The following TRIM61 variants were observed in gnomAD, a reference collection of about 807,000 sequenced individuals.
The protein encoded by TRIM61 is tripartite motif containing 61.
A neutral mutation model predicts 14.2 loss-of-function variants in TRIM61; 1 was observed. The ratio of observed to expected loss-of-function variants is 0.07; its 90% CI spans 0.03 to 0.33. The LOEUF is 0.33. Among genes scored for constraint, TRIM61 ranks in the 10% least tolerant of loss-of-function variants. The pLI is 0.99. For synonymous variants in TRIM61, 8 were observed against 71.6 expected (o/e 0.11, Z 4.49); for missense variants, 19 against 202.2 (o/e 0.09, Z 5.49).
intron 2 of TRIM61, among the ~76,000 whole-genome samples, chr4:164,976,153 C>G (rs549674629): frequency 6.6e-6 from 1 of 152,242 alleles, no homozygotes; most frequent in East Asian, 1.9e-4. Flanking sequence ...TTATTATAAC[C>G]CTGCTCTCCT....
At chr4:164,974,562 A>G (rs1286635862) in intron 2 of TRIM61, among the ~76,000 whole-genome samples, 1 of 152,048 alleles carries the variant, frequency 6.6e-6, no homozygotes, top group Non-Finnish European at 1.5e-5. Flanking sequence ...CTTGTGAAAA[A>G]TTCTAACACA....
intron 3 of TRIM61, chr4:164,957,047 G>C (rs892756639): frequency 6.6e-6 from 10 of 1,507,820 alleles, no homozygotes; most frequent in Non-Finnish European, 7.1e-6. Context: ...GGTGCGGCGG[G>C]GCAGCTGTCC....
At chr4:164,976,364 G>A (rs1732484244) in intron 2 of TRIM61, among the ~76,000 whole-genome samples, 1 of 152,122 alleles carries the variant, frequency 6.6e-6, no homozygotes, top group African/African-American at 2.4e-5. Flanking sequence ...CAGGTGTGGA[G>A]GGGCAGGCCA....
intron 2 of TRIM61, among the ~76,000 whole-genome samples, chr4:164,971,759 G>C (rs751789035): frequency 2.0e-5 from 3 of 152,014 alleles, no homozygotes; most frequent in Admixed American, 6.6e-5. Context: ...TTGCTTTCAA[G>C]ACACCCACAG....
At chr4:164,955,528 C>T (rs73002506) in intron 3 of TRIM61, among the ~76,000 whole-genome samples, 8,436 of 140,990 alleles carry the variant, frequency 0.06, 749 homozygotes, top group African/African-American at 0.2. Context: ...ACGAACTTGC[C>T]ACTGCAGTCC....
intron 3 of TRIM61, chr4:164,955,222 T>C (rs11930392): frequency 0.024 from 3,656 of 154,240 alleles, 124 homozygotes; most frequent in African/African-American, 0.077. Context: ...GTATGTTGTA[T>C]GACAATCACA....
intron 3 of TRIM61, among the ~76,000 whole-genome samples, chr4:164,966,793 A>C (rs1486664145): frequency 2.0e-5 from 3 of 152,050 alleles, no homozygotes; most frequent in Non-Finnish European, 4.4e-5. Context: ...GGCACCTGTA[A>C]TCCCAGCTAC....
At chr4:164,975,492 T>C (rs983147368) in intron 2 of TRIM61, among the ~76,000 whole-genome samples, 3 of 152,158 alleles carry the variant, frequency 2.0e-5, no homozygotes, top group Admixed American at 6.5e-5. Context: ...TGTTGTTAAT[T>C]TGTAGCTTTG....
chr4:164,973,861 A>G lies in TRIM61; in HGVS notation c.-338+2827T>C, dbSNP rs114234764. Among the ~76,000 whole-genome samples, 625 of 152,304 alleles carry G rather than the reference A, an allele frequency of 4.1e-3. 5 individuals are homozygous for G. The highest frequency in any genetic ancestry group is 0.012 in the African/African-American group (514 of 41,560). ...ATACATACATATATAGAGATAACCT[A>G]TATTTACTTACATATAAAACACATT... On this transcript the variant is annotated intron_variant, in intron 2 of 4. Coordinates refer to ENST00000329314, the MANE Select transcript of TRIM61 (RefSeq NM_001012414.3).
chr4:164,961,683 C>T (rs887210202), intron 3 of TRIM61, among the ~76,000 whole-genome samples: 1 of 151,514 alleles, frequency 6.6e-6, no homozygotes, highest in Non-Finnish European at 1.5e-5. Context: ...AAAACACACA[C>T]CAAAAAAACC....
chr4:164,969,974 A>T lies in TRIM61; in HGVS notation c.29T>A (p.Leu10His), dbSNP rs1732327214. 1 of 1,613,688 alleles carries T rather than the reference A, an allele frequency of 6.2e-7. No individual in the cohort carries two copies. ...GATGGGACAGCTAGCCTCTGCTCGG[A>T]GGTCAGCCAGGGCCGTAACAAATTC... Residue 10 changes from leucine (L) to histidine (H), a missense_variant, in exon 3 of 5, where the codon CTC becomes CAC. This residue lies in a region of TRIM61 where 17 missense variants were observed against 105.5 expected (regional missense o/e 0.16). Transcript: ENST00000329314.
intron 3 of TRIM61, chr4:164,958,024 C>G (rs981350794): frequency 6.0e-6 from 1 of 167,782 alleles, no homozygotes; most frequent in African/African-American, 2.4e-5. Flanking sequence ...AATCTTGTAT[C>G]TCTAAAGATA....
intron 3 of TRIM61, among the ~76,000 whole-genome samples, chr4:164,967,969 T>C (rs772129917): frequency 1.3e-5 from 2 of 151,640 alleles, no homozygotes; most frequent in East Asian, 1.9e-4. Flanking sequence ...CTGACCAACA[T>C]GGTGAAACCC....
At chr4:164,965,791 G>A (rs575670801) in intron 3 of TRIM61, among the ~76,000 whole-genome samples, 1 of 143,650 alleles carries the variant, frequency 7.0e-6, no homozygotes, top group South Asian at 2.2e-4. Flanking sequence ...AATTTAAAAG[G>A]TTAAAAATAC....
At chr4:164,964,812 A>T (rs1309130040) in intron 3 of TRIM61, among the ~76,000 whole-genome samples, 1 of 152,218 alleles carries the variant, frequency 6.6e-6, no homozygotes, top group Non-Finnish European at 1.5e-5. Context: ...CACTTACAGA[A>T]ATGATTCTGT....
intron 3 of TRIM61, among the ~76,000 whole-genome samples, chr4:164,964,904 C>T (rs1732205441): frequency 6.6e-6 from 1 of 152,188 alleles, no homozygotes; most frequent in South Asian, 2.1e-4. Flanking sequence ...CCATGTATCT[C>T]TAATAACACT....
intron 3 of TRIM61, among the ~76,000 whole-genome samples, chr4:164,964,755 A>G (rs1313076232): frequency 1.3e-5 from 2 of 152,204 alleles, no homozygotes; most frequent in African/African-American, 4.8e-5. Flanking sequence ...CAGAGTAGGG[A>G]TGCTGGAAAT....
intron 3 of TRIM61, chr4:164,957,341 AC>A: frequency 7.4e-6 from 12 of 1,613,978 alleles, no homozygotes; most frequent in Non-Finnish European, 1.0e-5. Flanking sequence ...TCCGGCTGTC[AC>A]GCCACCGAAA....
chr4:164,968,856 G>A (rs973925751), intron 3 of TRIM61: 52 of 987,812 alleles, frequency 5.3e-5, no homozygotes, highest in Non-Finnish European at 5.7e-5. Context: ...AATCCATCCT[G>A]TACTAAAATT....
Sources: gnomAD v4.1 joint callset for allele counts (sites outside exome capture counted in the v4.1 genomes callset) on GRCh38, gnomAD v4.1.1 for gene constraint, gnomAD v4.1.1 regional missense constraint, MANE v1.5 for transcripts, NCBI Gene and HGNC (gene_info 2026-07-23, HGNC 2026-07-21) for gene names.